The following AXL variants were observed in gnomAD, a reference collection of about 807,000 sequenced individuals.
AXL encodes AXL receptor tyrosine kinase, also known as tyrosine-protein kinase receptor UFO.
A neutral mutation model predicts 104.5 loss-of-function variants in AXL; 52 were observed. The ratio of observed to expected loss-of-function variants is 0.50; its 90% CI spans 0.40 to 0.63. The LOEUF is 0.63. Ranked by LOEUF, AXL falls within the 20% of genes least tolerant of loss-of-function variation. The probability of loss-of-function intolerance (pLI) is 0.00; values close to 1 mark genes in which losing one functional copy is unlikely to be tolerated. For synonymous variants in AXL, 455 were observed against 473.7 expected, an observed-to-expected ratio of 0.96 and a Z score of 0.51; for missense variants, 1,024 against 1,188.5, an observed-to-expected ratio of 0.86 and a Z score of 2.04.
At chr19:41,259,068 T>A (rs1304998508) in intron 19 of AXL, among the ~76,000 whole-genome samples, 4 of 152,198 alleles carry the variant, frequency 2.6e-5, no homozygotes. Flanking sequence ...GGAAGCCACA[T>A]GCCTTTTATG....
chr19:41,220,900 C>T, intron 2 of AXL, 42 bp downstream of exon 2: 1 of 1,597,114 alleles, frequency 6.3e-7, no homozygotes, highest in East Asian at 2.2e-5. Flanking sequence ...ACCTCCGTCA[C>T]ACAGAGGGCA....
rs140101050 is a variant in AXL, at chr19:41,256,578, A to G, written c.2163A>G (p.Leu721=). ...TCAAGTGGATTGCCATTGAGAGTCT[A>G]GCTGACCGTGTCTACACCAGCAAGA... The part of the protein sequence containing the change: ...MPVKWIAIES[L]ADRVYTSKSD... Residue 721 remains leucine (L), a synonymous_variant, in exon 18 of 20, where the codon CTA becomes CTG. Coordinates refer to ENST00000301178, the MANE Select transcript of AXL (RefSeq NM_021913.5). 1 of 1,613,946 alleles carries G rather than the reference A, an allele frequency of 6.2e-7. No homozygotes were observed. Among genetic ancestry groups the G allele is most frequent in the Non-Finnish European group, 8.5e-7 (1 of 1,179,972 alleles).
intron 11 of AXL, 52 bp downstream of exon 11, chr19:41,243,067 A>G (rs1446027582): frequency 6.2e-7 from 1 of 1,611,864 alleles, no homozygotes. Flanking sequence ...GAGAGGCTGG[A>G]GGCAGGGAGG....
chr19:41,252,460 T>C lies in AXL; in HGVS notation c.1804+17T>C. On this transcript the variant is annotated intron_variant, in intron 15 of 19. Transcript: ENST00000301178. ...GGCTCATCGGTGAGAGAGGGGCAGA[T>C]TCAAGGGGTCTACAAGCCCCATGGG... 1 of 1,612,856 alleles carries C rather than the reference T, an allele frequency of 6.2e-7. No individual in the cohort carries two copies. Among genetic ancestry groups the C allele is most frequent in the Non-Finnish European group, 8.5e-7 (1 of 1,178,926 alleles).
intron 4 of AXL, among the ~76,000 whole-genome samples, chr19:41,222,677 C>T (rs978346462): frequency 2.6e-5 from 4 of 151,932 alleles, no homozygotes; most frequent in East Asian, 1.9e-4. Context: ...GAGGCTGAGG[C>T]GGGCGGATCA....
intron 1 of AXL, 50 bp from the exon 2 acceptor site, chr19:41,220,586 C>G: frequency 1.3e-6 from 2 of 1,489,574 alleles, no homozygotes; most frequent in South Asian, 1.2e-5. Flanking sequence ...AACTGAGGGC[C>G]GGAAGGAGCT....
intron 6 of AXL, among the ~76,000 whole-genome samples, chr19:41,231,951 A>AAC (rs201155674): frequency 0.025 from 3,725 of 149,868 alleles, 173 homozygotes; most frequent in African/African-American, 0.089. Flanking sequence ...AACAACAACA[A>AAC]AAAAAATTTA....
chr19:41,248,900 T>C (rs2034315804), intron 14 of AXL, 80 bp downstream of exon 14: 2 of 1,426,310 alleles, frequency 1.4e-6, no homozygotes, highest in Admixed American at 2.4e-5. Flanking sequence ...AAGTTAGCCA[T>C]AGCTTAGAAC....
intron 1 of AXL, 34 bp from the exon 2 acceptor site, chr19:41,220,602 G>C (rs1038987686): frequency 3.3e-6 from 5 of 1,530,860 alleles, no homozygotes; most frequent in Non-Finnish European, 2.7e-6. Context: ...GAGCTGGGGG[G>C]TTCCTAAGCT....
intron 6 of AXL, among the ~76,000 whole-genome samples, chr19:41,237,128 A>G (rs1344288289): frequency 6.6e-6 from 1 of 152,182 alleles, no homozygotes; most frequent in Non-Finnish European, 1.5e-5. Context: ...TCCAGTCCCC[A>G]AGAAGTCTCC....
chr19:41,222,550 G>C (rs10407990), intron 4 of AXL, among the ~76,000 whole-genome samples: 8,097 of 152,214 alleles, frequency 0.053, 682 homozygotes, highest in African/African-American at 0.18. Context: ...CAGTCAAAGG[G>C]AGGATGTCCA....
intron 6 of AXL, among the ~76,000 whole-genome samples, chr19:41,237,435 G>C (rs936608814): frequency 6.6e-5 from 10 of 152,036 alleles, no homozygotes; most frequent in Non-Finnish European, 1.5e-4. Context: ...GAAGAGATGG[G>C]GTTTCACCAC....
chr19:41,220,527 A>G, intron 1 of AXL, 109 bp from the exon 2 acceptor site: 2 of 916,940 alleles, frequency 2.2e-6, no homozygotes, highest in Non-Finnish European at 3.3e-6. Context: ...TGTCGGCCTA[A>G]GGGCCTGGCG....
chr19:41,244,886 G>A (rs1206682344), intron 12 of AXL, among the ~76,000 whole-genome samples: 1 of 151,846 alleles, frequency 6.6e-6, no homozygotes, highest in Non-Finnish European at 1.5e-5. Context: ...CTTGTAAATT[G>A]GATAGCTGGG....
rs747576071 is a variant in AXL at position 41,243,665 on chromosome 19, C to T, written c.1495C>T (p.Arg499Cys). The T allele has an allele frequency of 1.6e-5, 26 of 1,614,050 alleles. No homozygotes were observed. The highest frequency in any genetic ancestry group is 1.1e-4 in the East Asian group (5 of 44,876). The change falls in exon 12 of 20, where the codon CGC (arginine) becomes TGC (cysteine). Residue 499 changes from arginine to cysteine, a missense_variant. By Grantham distance (180) the Arg-to-Cys change is radical. This residue lies in a region of AXL where 523 missense variants were observed against 636.0 expected (regional missense o/e 0.82). Coordinates refer to ENST00000301178, the MANE Select transcript of AXL (RefSeq NM_021913.5). Reference sequence around the variant, plus strand: ...AAGAGGTGAACTGGTAGTCAGGTACCGCGTGCGCAAGTCCTACAGTCGTCG... The same window carrying T: ...AAGAGGTGAACTGGTAGTCAGGTACTGCGTGCGCAAGTCCTACAGTCGTCG... ...VERGELVVRY[R>C]VRKSYSRRTT...
chr19:41,259,977 C>T lies in AXL; in HGVS notation c.*73C>T. 2.2e-6 allele frequency: 3 copies of T among 1,353,310 alleles called. No individual in the cohort carries two copies. Among genetic ancestry groups the T allele is most frequent in the African/African-American group, 1.5e-5 (1 of 67,858 alleles). The allele number at this position is 1,353,310 out of a possible 1,614,324, so 83.8% of individuals were successfully genotyped here. A position where few individuals can be genotyped will look rare whatever the true frequency, so the allele number is the denominator to read the frequency against. On this transcript the variant is annotated 3_prime_UTR_variant, in exon 20 of 20. Coordinates refer to ENST00000301178, the MANE Select transcript of AXL (RefSeq NM_021913.5). Reference sequence around the variant, plus strand: ...GCCACTGGGGAAAACTCCACCTTCCCACTTTCCCACCCCACGCCTTATCCC... The same window carrying T: ...GCCACTGGGGAAAACTCCACCTTCCTACTTTCCCACCCCACGCCTTATCCC...
intron 6 of AXL, among the ~76,000 whole-genome samples, chr19:41,236,617 C>G (rs1449273644): frequency 6.6e-6 from 1 of 151,586 alleles, no homozygotes; most frequent in Non-Finnish European, 1.5e-5. Flanking sequence ...GCTGTCTCTA[C>G]TGAAAATACG....
rs547053197 is a variant in AXL at position 41,258,620 on chromosome 19, C to A, written c.2334-933C>A. Among the ~76,000 whole-genome samples the A allele has an allele frequency of 2.0e-5, 3 of 152,188 alleles. No individual in the cohort carries two copies. In the East Asian group the frequency reaches 5.8e-4, roughly 29 times the overall value. On this transcript the variant is annotated intron_variant, in intron 19 of 19. Transcript: ENST00000301178. ...TTTAGTAGAGATGGGGTTTCACCAC[C>A]TTAGCCAGGATGGTCTTGATATCGT...
chr19:41,222,764 G>T (rs1022327426), intron 4 of AXL, among the ~76,000 whole-genome samples: 3 of 151,988 alleles, frequency 2.0e-5, no homozygotes, highest in African/African-American at 7.2e-5. Flanking sequence ...AAATTAGCCG[G>T]GCGTGGTGGC....
Sources: gnomAD v4.1 joint callset for allele counts (sites outside exome capture counted in the v4.1 genomes callset) on GRCh38, gnomAD v4.1.1 for gene constraint, gnomAD v4.1.1 regional missense constraint, MANE v1.5 for transcripts, NCBI Gene and HGNC (gene_info 2026-07-23, HGNC 2026-07-21) for gene names.